The following CLEC4D variants were observed in gnomAD, a reference collection of about 807,000 sequenced individuals.
CLEC4D encodes the protein C-type lectin domain family 4 member D, also known as C-type (calcium dependent, carbohydrate-recognition domain) lectin, superfamily member 8.
In CLEC4D, 21 loss-of-function variants were observed where a neutral mutation model predicts 21.1. That is an observed-to-expected ratio of 1.00 (90% CI 0.71 to 1.43). The LOEUF is 1.43. Among genes scored for constraint, CLEC4D ranks in the 40% most tolerant of loss-of-function variants. The pLI is 0.00. For missense variants in CLEC4D, 289 were observed against 260.7 expected (o/e 1.11, Z -0.75); for synonymous variants, 85 against 83.1 (o/e 1.02, Z -0.12).
downstream of CLEC4D, among the ~76,000 whole-genome samples, chr12:8,527,013 C>T (rs140226701): frequency 1.1e-3 from 166 of 152,214 alleles, 2 homozygotes; most frequent in African/African-American, 3.6e-3. Flanking sequence ...AATTCACTCC[C>T]GTGCTTGCAG....
rs1940461684 is a variant in CLEC4D at position 8,521,709 on chromosome 12, A to G, written c.*438A>G. On this transcript the variant is annotated 3_prime_UTR_variant, in exon 6 of 6. Transcript: ENST00000299665. ...CCCAAATATTGCAAGCACTTTAAAG[A>G]TTTGAAACCACATTTTTATTGTTTG... The G allele has an allele frequency of 6.5e-6, 1 of 153,678 alleles. No homozygotes were observed. The highest frequency in any genetic ancestry group is 1.4e-5 in the Non-Finnish European group (1 of 69,080). 9.5% of individuals were successfully genotyped at this position (153,678 alleles called of 1,614,324 possible).
the CLEC4D span, among the ~76,000 whole-genome samples, chr12:8,530,430 T>C: frequency 2.3e-5 from 3 of 130,858 alleles, no homozygotes; most frequent in Non-Finnish European, 3.2e-5. Flanking sequence ...TGCATATGTC[T>C]AAATTTTCCA....
chr12:8,515,142 G>T (rs954283572), intron 1 of CLEC4D, 94 bp from the exon 2 acceptor site: 2 of 698,222 alleles, frequency 2.9e-6, no homozygotes, highest in Non-Finnish European at 5.1e-6. Context: ...GAAATATTTG[G>T]TTTGCTGTCA....
At position 8,513,762 on chromosome 12, in the gene CLEC4D, TGA is replaced by T. The variant is rs1208458095; in HGVS notation, c.28+4_28+5del. ...GGCTAGAAAAACCTCAAAGTAAACG[TGA>T]GTACTTTCTCTCCTTTCCATTTCAA... On this transcript the variant is annotated splice_donor_region_variant and intron_variant, in intron 1 of 5. Coordinates refer to ENST00000299665, the MANE Select transcript of CLEC4D (RefSeq NM_080387.5). 2 of 1,080,706 alleles carry T rather than the reference TGA, an allele frequency of 1.9e-6. No homozygotes were observed. The highest frequency in any genetic ancestry group is 2.9e-6 in the Non-Finnish European group (2 of 695,300). The allele number at this position is 1,080,706 out of a possible 1,614,324, so 66.9% of individuals were successfully genotyped here. A position where few individuals can be genotyped will look rare whatever the true frequency, so the allele number is the denominator to read the frequency against.
At chr12:8,517,599 G>C (rs919469553) in intron 2 of CLEC4D, among the ~76,000 whole-genome samples, 1 of 152,070 alleles carries the variant, frequency 6.6e-6, no homozygotes, top group Non-Finnish European at 1.5e-5. Flanking sequence ...AATTTTGATA[G>C]AAAAACATGC....
At chr12:8,520,624 G>A (rs749408746) in intron 5 of CLEC4D, among the ~76,000 whole-genome samples, 4 of 152,078 alleles carry the variant, frequency 2.6e-5, no homozygotes, top group Admixed American at 6.6e-5. Flanking sequence ...CAATATAAGC[G>A]ATAAAAATTT....
rs1307454394 is a variant in CLEC4D, at chr12:8,513,620, C to A, written c.-113C>A. 3 of 631,408 alleles carry A rather than the reference C, an allele frequency of 4.8e-6. No individual in the cohort carries two copies. The highest frequency in any genetic ancestry group is 3.7e-5 in the African/African-American group (2 of 54,662). The allele number at this position is 631,408 out of a possible 1,614,324, so 39.1% of individuals were successfully genotyped here. A position where few individuals can be genotyped will look rare whatever the true frequency, so the allele number is the denominator to read the frequency against. ...CACTACAATATGTAACATTGGTGTT[C>A]GATCTCAAGTATTTCTGAATATATT... On this transcript the variant is annotated 5_prime_UTR_variant, in exon 1 of 6. Transcript: ENST00000299665.
Position 8,521,419 on chromosome 12 carries a change from C to A in CLEC4D, c.*148C>A. 7.1e-7 allele frequency: 1 copy of A among 1,407,034 alleles called. No homozygotes were observed. Among genetic ancestry groups the A allele is most frequent in the Non-Finnish European group, 9.3e-7 (1 of 1,080,258 alleles). 87.2% of individuals were successfully genotyped at this position (1,407,034 alleles called of 1,614,324 possible). On this transcript the variant is annotated 3_prime_UTR_variant, in exon 6 of 6. Coordinates refer to ENST00000299665, the MANE Select transcript of CLEC4D (RefSeq NM_080387.5). ...ATGGTCTTTTTTATTTTGTTTGATTCATTCGAGACAACATGTGTGTATGTG... is the reference window on the plus strand; with the variant it reads ...ATGGTCTTTTTTATTTTGTTTGATTAATTCGAGACAACATGTGTGTATGTG...
the CLEC4D span, among the ~76,000 whole-genome samples, chr12:8,529,670 A>G: frequency 6.6e-6 from 1 of 152,202 alleles, no homozygotes; most frequent in Non-Finnish European, 1.5e-5. Context: ...GTAATTAAAA[A>G]TATGTAGTAA....
At chr12:8,530,663 T>G in the CLEC4D span, among the ~76,000 whole-genome samples, 4 of 152,320 alleles carry the variant, frequency 2.6e-5, no homozygotes, top group Admixed American at 2.6e-4. Flanking sequence ...TAGTGCTTAA[T>G]AGTCTACTGT....
At chr12:8,519,837 T>C (rs780550735) in intron 4 of CLEC4D, among the ~76,000 whole-genome samples, 58 of 152,348 alleles carry the variant, frequency 3.8e-4, no homozygotes, top group African/African-American at 6.7e-4. Flanking sequence ...TTTGTCTCCA[T>C]AGGTTTACAA....
chr12:8,524,270 T>G (rs1940489879), downstream of CLEC4D, among the ~76,000 whole-genome samples: 1 of 152,128 alleles, frequency 6.6e-6, no homozygotes, highest in South Asian at 2.1e-4. Flanking sequence ...TCAGAAGGAA[T>G]GGTACCAGTT....
chr12:8,519,042 G>A lies in CLEC4D; in HGVS notation c.266G>A (p.Arg89Lys). The change falls in exon 4 of 6, where the codon AGA (arginine) becomes AAA (lysine). Residue 89 changes from arginine (R) to lysine (K), a missense_variant. Arg to Lys is a conservative substitution (Grantham distance 26). Coordinates refer to ENST00000299665, the MANE Select transcript of CLEC4D (RefSeq NM_080387.5). ...TGGAACTGTTGTCCTATTGACTGGAGAGCCTTCCAGTCCAACTGCTATTTT... is the reference window on the plus strand; with the variant it reads ...TGGAACTGTTGTCCTATTGACTGGAAAGCCTTCCAGTCCAACTGCTATTTT... ...STWNCCPIDWRAFQSNCYFPL... is the reference protein window; with the variant it reads ...STWNCCPIDWKAFQSNCYFPL... 1.2e-6 allele frequency: 2 copies of A among 1,614,088 alleles called. No homozygotes were observed. Among genetic ancestry groups the A allele is most frequent in the Non-Finnish European group, 1.7e-6 (2 of 1,179,998 alleles).
At position 8,513,720 on chromosome 12, in the gene CLEC4D, G is replaced by T. The variant is rs1008273479; in HGVS notation, c.-13G>T. Reference sequence around the variant, plus strand: ...TTGCCGTCCTGACCATTGAACAAGAGACTAATTAGACAATGGGGCTAGAAA... The same window carrying T: ...TTGCCGTCCTGACCATTGAACAAGATACTAATTAGACAATGGGGCTAGAAA... On this transcript the variant is annotated 5_prime_UTR_variant, in exon 1 of 6. Transcript: ENST00000299665. 2 of 1,080,832 alleles carry T rather than the reference G, an allele frequency of 1.9e-6. No individual in the cohort carries two copies. Among genetic ancestry groups the T allele is most frequent in the Admixed American group, 1.7e-5 (1 of 59,256 alleles). 67.0% of individuals were successfully genotyped at this position (1,080,832 alleles called of 1,614,324 possible). A position where few individuals can be genotyped will look rare whatever the true frequency, so the allele number is the denominator to read the frequency against.
chr12:8,529,165 C>T, the CLEC4D span, among the ~76,000 whole-genome samples: 1 of 152,192 alleles, frequency 6.6e-6, no homozygotes, highest in East Asian at 1.9e-4. Context: ...GAGCAATCTC[C>T]GTTCAGATTG....
At chr12:8,520,768 T>A (rs1158683478) in intron 5 of CLEC4D, among the ~76,000 whole-genome samples, 1 of 152,192 alleles carries the variant, frequency 6.6e-6, no homozygotes, top group African/African-American at 2.4e-5. Context: ...AAGAAGCAAG[T>A]GAAATGTATT....
chr12:8,520,376 G>A, intron 5 of CLEC4D, 35 bp downstream of exon 5: 2 of 1,594,438 alleles, frequency 1.3e-6, no homozygotes, highest in Non-Finnish European at 1.7e-6. Flanking sequence ...GGATTTATAA[G>A]CAAAGGTTAG....
chr12:8,517,331 G>A (rs1347313656), intron 2 of CLEC4D, among the ~76,000 whole-genome samples: 2 of 151,266 alleles, frequency 1.3e-5, no homozygotes, highest in Non-Finnish European at 2.9e-5. Context: ...TAAGTTTTAG[G>A]GTACATGTGC....
the CLEC4D span, among the ~76,000 whole-genome samples, chr12:8,529,737 T>C: frequency 6.6e-6 from 1 of 152,186 alleles, no homozygotes; most frequent in African/African-American, 2.4e-5. Context: ...CCAGTGCAAA[T>C]GTTGAATACT....
Sources: gnomAD v4.1 joint callset for allele counts (sites outside exome capture counted in the v4.1 genomes callset) on GRCh38, gnomAD v4.1.1 for gene constraint, MANE v1.5 for transcripts, NCBI Gene and HGNC (gene_info 2026-07-23, HGNC 2026-07-21) for gene names.